Variants in PPIL4 observed in about 807,000 individuals in gnomAD.
PPIL4 encodes the protein peptidyl-prolyl cis-trans isomerase-like 4.
Under a neutral mutation model 69.1 loss-of-function variants are expected in PPIL4, and 50 were observed. That is an observed-to-expected ratio of 0.72 (90% CI 0.58 to 0.92). The LOEUF is 0.92. PPIL4 is among the 40% of genes least tolerant of loss of function. The probability of loss-of-function intolerance (pLI) is 0.00; values close to 1 mark genes in which losing one functional copy is unlikely to be tolerated. For synonymous variants in PPIL4, 193 were observed against 191.6 expected (o/e 1.01, Z -0.06); for missense variants, 480 against 587.9 (o/e 0.82, Z 1.90).
chr6:149,509,205 T>TA (rs148272466), intron 12 of PPIL4, among the ~76,000 whole-genome samples: 4,097 of 152,248 alleles, frequency 0.027, 159 homozygotes, highest in African/African-American at 0.093. Context: ...AAAATTGCCT[T>TA]AAAATCTTTT....
chr6:149,535,259 G>A (rs1435119213), intron 5 of PPIL4, among the ~76,000 whole-genome samples: 2 of 152,200 alleles, frequency 1.3e-5, no homozygotes, highest in African/African-American at 2.4e-5. Flanking sequence ...GGGAGGCTAA[G>A]GCAGGAGAAT....
At chr6:149,512,389 G>A in intron 11 of PPIL4, 87 bp from the exon 12 acceptor site, 2 of 972,504 alleles carry the variant, frequency 2.1e-6, no homozygotes, top group Non-Finnish European at 3.1e-6. Flanking sequence ...GAGGTCATAA[G>A]GCTAAAAGTA....
rs774565547 is a variant in PPIL4, at chr6:149,517,456, T to A, written c.983-6A>T. The stretch of plus-strand genomic sequence containing the variant: ...ACTCTTGGTGTATTTCCCACCTATT[T>A]ATTAAGAAAAGAAAAAAAGAGCTTA... On this transcript the variant is annotated splice_region_variant and splice_polypyrimidine_tract_variant and intron_variant, in intron 10 of 12. Coordinates refer to ENST00000253329, the MANE Select transcript of PPIL4 (RefSeq NM_139126.4). 3.4e-6 allele frequency: 5 copies of A among 1,463,884 alleles called. No homozygotes were observed. In the East Asian group the frequency reaches 1.2e-4, roughly 34 times the overall value. The allele number at this position is 1,463,884 out of a possible 1,614,324, so 90.7% of individuals were successfully genotyped here. A position where few individuals can be genotyped will look rare whatever the true frequency, so the allele number is the denominator to read the frequency against.
At chr6:149,538,174 G>C (rs952538434) in intron 4 of PPIL4, among the ~76,000 whole-genome samples, 1 of 151,920 alleles carries the variant, frequency 6.6e-6, no homozygotes, top group Non-Finnish European at 1.5e-5. Context: ...GCTGAGGCAA[G>C]AGAACTGTTT....
At chr6:149,509,858 A>T (rs1471725923) in intron 12 of PPIL4, among the ~76,000 whole-genome samples, 1 of 152,148 alleles carries the variant, frequency 6.6e-6, no homozygotes, top group African/African-American at 2.4e-5. Flanking sequence ...TTGTTGTGTG[A>T]AAGGGGGATA....
In PPIL4 at chr6:149,512,341, C is replaced by G. The variant is rs777686567; in HGVS notation, c.1080-39G>C. 2.7e-6 allele frequency: 4 copies of G among 1,496,230 alleles called. No individual in the cohort carries two copies. In the South Asian group the frequency reaches 3.6e-5, roughly 13 times the overall value. The allele number at this position is 1,496,230 out of a possible 1,614,324, so 92.7% of individuals were successfully genotyped here. On this transcript the variant is annotated intron_variant, in intron 11 of 12. Transcript: ENST00000253329. ...TTAAGGATAAATGTGATAAATAATA[C>G]TGGTAAGACATCAAAACTTAAGATC...
At chr6:149,536,402 A>G (rs1339949773) in intron 4 of PPIL4, among the ~76,000 whole-genome samples, 3 of 152,266 alleles carry the variant, frequency 2.0e-5, no homozygotes, top group East Asian at 3.8e-4. Flanking sequence ...AGCCAAGATA[A>G]GCGGAAAGCT....
In PPIL4 at chr6:149,541,408, G is replaced by C; in HGVS notation, c.162C>G (p.Gly54=). The C allele has an allele frequency of 6.4e-7, 1 of 1,559,504 alleles. No individual in the cohort carries two copies. Among genetic ancestry groups the C allele is most frequent in the Non-Finnish European group, 8.7e-7 (1 of 1,145,308 alleles). The change falls in exon 3 of 13, where the codon GGC becomes GGG. Residue 54 remains glycine (G), a synonymous_variant. Transcript: ENST00000253329. ...CTCCACGGCCAGTCCCTGTAGGATC[G>C]CCAGTTTGTATGATAAAATCCCTCT... The part of the protein sequence containing the change: ...NVQRDFIIQT[G]DPTGTGRGGE...
At chr6:149,537,431 G>T (rs1436813391) in intron 4 of PPIL4, among the ~76,000 whole-genome samples, 1 of 152,206 alleles carries the variant, frequency 6.6e-6, no homozygotes, top group Admixed American at 6.5e-5. Context: ...AAATCGGCCG[G>T]GCGCGGTGGC....
intron 7 of PPIL4, among the ~76,000 whole-genome samples, chr6:149,527,735 T>C (rs1207386317): frequency 2.0e-5 from 3 of 152,224 alleles, no homozygotes; most frequent in African/African-American, 7.2e-5. Context: ...ACCATATATG[T>C]ATGCAACTCT....
At chr6:149,508,273 A>G (rs1316457481) in intron 12 of PPIL4, among the ~76,000 whole-genome samples, 1 of 152,226 alleles carries the variant, frequency 6.6e-6, no homozygotes, top group African/African-American at 2.4e-5. Flanking sequence ...CCCACTATAA[A>G]GGCCTAAGGG....
At chr6:149,529,730 T>C (rs1413722291) in intron 7 of PPIL4, among the ~76,000 whole-genome samples, 1 of 135,600 alleles carries the variant, frequency 7.4e-6, no homozygotes, top group Non-Finnish European at 1.5e-5. Flanking sequence ...GCCACTGTAC[T>C]CTAGCCTGAC....
chr6:149,536,520 G>C (rs1415593901), intron 4 of PPIL4, among the ~76,000 whole-genome samples: 1 of 152,020 alleles, frequency 6.6e-6, no homozygotes, highest in African/African-American at 2.4e-5. Context: ...AATGAAACAG[G>C]CTTACTGCTG....
At chr6:149,541,748 A>G (rs1777366280) in intron 1 of PPIL4, among the ~76,000 whole-genome samples, 162 bp from the exon 2 acceptor site, 1 of 152,194 alleles carries the variant, frequency 6.6e-6, no homozygotes, top group Admixed American at 6.5e-5. Context: ...GCTGGCTCAC[A>G]CCTGTAATCG....
Position 149,505,488 on chromosome 6 carries a change from T to TAAA in PPIL4, c.1443_1444insTTT (p.Lys481_Lys482insPhe). The TAAA allele has an allele frequency of 6.2e-7, 1 of 1,613,896 alleles. No individual in the cohort carries two copies. Among genetic ancestry groups the TAAA allele is most frequent in the Non-Finnish European group, 8.5e-7 (1 of 1,179,938 alleles). ...TTAGATTTTTCTTTATCTTTGGACT[T>TAAA]CTTTGGACTTCTGCTTCGGTCTCTC... On this transcript the variant is annotated inframe_insertion, in exon 13 of 13. Coordinates refer to ENST00000253329, the MANE Select transcript of PPIL4 (RefSeq NM_139126.4).
chr6:149,535,624 TG>T lies in PPIL4; in HGVS notation c.435del (p.Asp145GlufsTer12), dbSNP rs753213944. ...IIKKINETFV[D>X]KDFVPYQDIR... is the part of the protein sequence containing the mutation. ...ATATCCTGATATGGTACAAAGTCCT[TG>T]TCAACAAAGGTCTCATTAATTTTCT... On this transcript the variant is annotated frameshift_variant, in exon 5 of 13. Transcript: ENST00000253329. LOFTEE classifies it high-confidence loss of function. 3.1e-6 allele frequency: 5 copies of T among 1,612,898 alleles called. No individual in the cohort carries two copies. Among genetic ancestry groups the T allele is most frequent in the Non-Finnish European group, 3.4e-6 (4 of 1,179,146 alleles).
At position 149,545,850 on chromosome 6, in the gene PPIL4, T is replaced by C. The variant is rs142013995; in HGVS notation, c.70+86A>G. 6 of 1,272,346 alleles carry C rather than the reference T, an allele frequency of 4.7e-6. No individual in the cohort carries two copies. The East Asian group carries it at 1.6e-4, about 33-fold the overall frequency. 78.8% of individuals were successfully genotyped at this position (1,272,346 alleles called of 1,614,324 possible). On this transcript the variant is annotated intron_variant, in intron 1 of 12. Coordinates refer to ENST00000253329, the MANE Select transcript of PPIL4 (RefSeq NM_139126.4). ...GCCCAGAAGCTCGAGCTCTAGCCAA[T>C]CTCTGCCCTGGACTGCGCAGAGAAG...
chr6:149,533,302 G>C (rs1258901759), intron 7 of PPIL4, among the ~76,000 whole-genome samples, 156 bp downstream of exon 7: 2 of 152,124 alleles, frequency 1.3e-5, no homozygotes, highest in Non-Finnish European at 2.9e-5. Flanking sequence ...TTTCACAGTA[G>C]AGCCAATTTA....
At chr6:149,537,948 T>C (rs1777301964) in intron 4 of PPIL4, among the ~76,000 whole-genome samples, 1 of 152,062 alleles carries the variant, frequency 6.6e-6, no homozygotes, top group African/African-American at 2.4e-5. Flanking sequence ...CTGATGGATA[T>C]GATGTACAAG....
Sources: gnomAD v4.1 joint callset for allele counts (sites outside exome capture counted in the v4.1 genomes callset) on GRCh38, gnomAD v4.1.1 for gene constraint, MANE v1.5 for transcripts, NCBI Gene and HGNC (gene_info 2026-07-23, HGNC 2026-07-21) for gene names.